PLD5: variants seen among roughly 807,000 people sequenced by gnomAD.
PLD5 encodes phospholipase D family member 5.
A neutral mutation model predicts 61.1 loss-of-function variants in PLD5; 36 were observed. That is an observed-to-expected ratio of 0.59 (90% CI 0.45 to 0.78). PLD5 has a LOEUF of 0.78. Among genes scored for constraint, PLD5 ranks in the 30% least tolerant of loss-of-function variants. PLD5 has a pLI of 0.00. For missense variants in PLD5, 515 were observed against 644.4 expected (o/e 0.80, Z 2.17); for synonymous variants, 243 against 242.8 (o/e 1.00, Z -0.01).
intron 7 of PLD5, among the ~76,000 whole-genome samples, chr1:242,112,887 G>A (rs1232357217): frequency 6.6e-6 from 1 of 152,164 alleles, no homozygotes; most frequent in African/African-American, 2.4e-5. Flanking sequence ...GAATACCTAA[G>A]CATGGCCACG....
intron 2 of PLD5, among the ~76,000 whole-genome samples, chr1:242,320,686 G>A (rs1243130927): frequency 2.0e-5 from 3 of 152,068 alleles, no homozygotes; most frequent in Admixed American, 6.5e-5. Flanking sequence ...AGAAGCCAAC[G>A]TATCATAAGA....
intron 5 of PLD5, among the ~76,000 whole-genome samples, chr1:242,152,933 C>G (rs1329413223): frequency 2.6e-5 from 4 of 152,204 alleles, no homozygotes; most frequent in African/African-American, 9.7e-5. Context: ...AATCGCCACA[C>G]TGTCTTCCAC....
At chr1:242,207,830 ATATT>A (rs1178041917) in intron 5 of PLD5, among the ~76,000 whole-genome samples, 2 of 60,848 alleles carry the variant, frequency 3.3e-5, no homozygotes, top group Non-Finnish European at 5.5e-5. Context: ...ATATTTATAT[ATATT>A]TATATATTTA....
At chr1:242,266,284 G>C (rs1673666285) in intron 3 of PLD5, among the ~76,000 whole-genome samples, 1 of 152,180 alleles carries the variant, frequency 6.6e-6, no homozygotes, top group Admixed American at 6.5e-5. Flanking sequence ...AGGAGGCTGA[G>C]GCAGGAGAAT....
chr1:242,417,181 G>T (rs1041720497), intron 1 of PLD5, among the ~76,000 whole-genome samples: 3 of 152,318 alleles, frequency 2.0e-5, no homozygotes, highest in African/African-American at 2.4e-5. Flanking sequence ...TCTGGGGGAA[G>T]AAGATTCCAG....
intron 2 of PLD5, among the ~76,000 whole-genome samples, chr1:242,341,416 T>C (rs1659825963): frequency 6.6e-6 from 1 of 152,196 alleles, no homozygotes; most frequent in Non-Finnish European, 1.5e-5. Flanking sequence ...GTTATTGATA[T>C]AAATCTAGAT....
At chr1:242,258,607 A>G (rs1394347214) in intron 4 of PLD5, among the ~76,000 whole-genome samples, 6 of 152,234 alleles carry the variant, frequency 3.9e-5, no homozygotes, top group Non-Finnish European at 7.3e-5. Flanking sequence ...TCCTGGTGGC[A>G]TGACAGAGCT....
chr1:242,218,782 C>A (rs921127409), intron 5 of PLD5, among the ~76,000 whole-genome samples: 2 of 152,210 alleles, frequency 1.3e-5, no homozygotes, highest in African/African-American at 4.8e-5. Context: ...TTTGCCACTT[C>A]CTGAAAAGTG....
At chr1:242,481,606 C>T (rs185481565) in intron 1 of PLD5, among the ~76,000 whole-genome samples, 2,065 of 152,360 alleles carry the variant, frequency 0.014, 61 homozygotes, top group Admixed American at 0.079. Context: ...GGAGGCCTGC[C>T]TGCCTCTGTA....
Position 242,205,544 on chromosome 1 carries a change from A to G in PLD5, c.735+14444T>C, listed in dbSNP as rs184858016. Among the ~76,000 whole-genome samples, 4 of 152,346 alleles carry G rather than the reference A, an allele frequency of 2.6e-5. No individual in the cohort carries two copies. In the East Asian group the frequency reaches 5.8e-4, roughly 22 times the overall value. On this transcript the variant is annotated intron_variant, in intron 5 of 9. Coordinates refer to ENST00000536534, the MANE Select transcript of PLD5 (RefSeq NM_001372062.1). ...CTAAACAGCCCAGGTAACCTTCTAT[A>G]TCAACACAGAGAGAATTAATCATTT...
At chr1:242,378,776 G>T (rs1349113932) in intron 1 of PLD5, among the ~76,000 whole-genome samples, 1 of 152,070 alleles carries the variant, frequency 6.6e-6, no homozygotes, top group African/African-American at 2.4e-5. Flanking sequence ...GGGAGGTGGA[G>T]GTTGCAGTGA....
At chr1:242,393,187 C>A (rs559335299) in intron 1 of PLD5, among the ~76,000 whole-genome samples, 2 of 136,432 alleles carry the variant, frequency 1.5e-5, no homozygotes, top group African/African-American at 2.9e-5. Context: ...CTGGATAAGA[C>A]GACGACTCCG....
chr1:242,452,484 T>C (rs1666816729), intron 1 of PLD5, among the ~76,000 whole-genome samples: 1 of 152,144 alleles, frequency 6.6e-6, no homozygotes. Flanking sequence ...ACTTGGACTT[T>C]TCTATAAAAT....
rs562472757 is a variant in PLD5, at chr1:242,376,698, A to G, written c.190-28456T>C. 1.2e-4 allele frequency among the ~76,000 whole-genome samples: 18 copies of G among 152,318 alleles called. 1 individual carries two copies. The Middle Eastern group carries it at 0.01, about 86-fold the overall frequency. Reference sequence around the variant, plus strand: ...ACAAACATGTAACAAAGAGTATAAAAAGTTGTTCATTTAAATATATACAAA... The same window carrying G: ...ACAAACATGTAACAAAGAGTATAAAGAGTTGTTCATTTAAATATATACAAA... On this transcript the variant is annotated intron_variant, in intron 1 of 9. Transcript: ENST00000536534.
intron 5 of PLD5, among the ~76,000 whole-genome samples, chr1:242,132,282 G>A (rs1270694365): frequency 2.1e-5 from 3 of 144,800 alleles, no homozygotes; most frequent in Admixed American, 7.2e-5. Flanking sequence ...TTAGTGATGC[G>A]GAAACCAGCG....
intron 1 of PLD5, among the ~76,000 whole-genome samples, chr1:242,393,686 ATATATATGAG>A (rs1430572339): frequency 2.2e-5 from 2 of 91,484 alleles, no homozygotes; most frequent in East Asian, 5.2e-4. Flanking sequence ...ATATATGTGT[ATATATATGAG>A]TATATATGTG....
intron 1 of PLD5, among the ~76,000 whole-genome samples, chr1:242,521,371 G>A (rs1486941546): frequency 6.6e-6 from 1 of 152,150 alleles, no homozygotes; most frequent in Non-Finnish European, 1.5e-5. Context: ...CAAAGTGGGT[G>A]GAAATCCATT....
At chr1:242,218,841 T>C (rs1574543172) in intron 5 of PLD5, among the ~76,000 whole-genome samples, 1 of 152,176 alleles carries the variant, frequency 6.6e-6, no homozygotes, top group Admixed American at 6.5e-5. Context: ...CTTTGCAAGA[T>C]AAAATTATAA....
rs558686735 is a variant in PLD5, at chr1:242,463,442, C to A, written c.189+60646G>T. Among the ~76,000 whole-genome samples, 12 of 152,308 alleles carry A rather than the reference C, an allele frequency of 7.9e-5. No individual in the cohort carries two copies. The South Asian group carries it at 1.7e-3, about 21-fold the overall frequency. The stretch of plus-strand genomic sequence containing the variant: ...CAAGCGGACTCCTAATGTTCCCAAG[C>A]AGTCGTGCTTCTTATCTCTACTCCA... On this transcript the variant is annotated intron_variant, in intron 1 of 9. Coordinates refer to ENST00000536534, the MANE Select transcript of PLD5 (RefSeq NM_001372062.1).
Sources: gnomAD v4.1 joint callset for allele counts (sites outside exome capture counted in the v4.1 genomes callset) on GRCh38, gnomAD v4.1.1 for gene constraint, MANE v1.5 for transcripts, NCBI Gene and HGNC (gene_info 2026-07-23, HGNC 2026-07-21) for gene names.